The following CARMIL1 variants were observed in gnomAD, a reference collection of about 807,000 sequenced individuals.
The protein encoded by CARMIL1 is F-actin-uncapping protein LRRC16A.
In CARMIL1, 90 loss-of-function variants were observed where a neutral mutation model predicts 177.1. The ratio of observed to expected loss-of-function variants is 0.51; its 90% CI spans 0.43 to 0.61. The LOEUF (loss-of-function observed/expected upper bound fraction) is 0.61, where lower values mean the gene tolerates loss of function less well. Ranked by LOEUF, CARMIL1 falls within the 20% of genes least tolerant of loss-of-function variation. CARMIL1 has a pLI of 0.00. For missense variants in CARMIL1, 1,380 were observed against 1,667.0 expected (o/e 0.83, Z 3.00); for synonymous variants, 577 against 606.2 (o/e 0.95, Z 0.71).
At chr6:25,305,352 C>T (rs2053919298) in intron 2 of CARMIL1, among the ~76,000 whole-genome samples, 1 of 152,176 alleles carries the variant, frequency 6.6e-6, no homozygotes, top group African/African-American at 2.4e-5. Context: ...GAGAAAAGGG[C>T]ATGGCTATTT....
intron 29 of CARMIL1, among the ~76,000 whole-genome samples, chr6:25,559,315 T>C (rs1403894859): frequency 3.3e-5 from 5 of 152,306 alleles, no homozygotes; most frequent in East Asian, 1.9e-4. Flanking sequence ...GTGACCCTCA[T>C]ACGATGCCAT....
chr6:25,567,683 A>G (rs1466672679), intron 29 of CARMIL1, among the ~76,000 whole-genome samples: 1 of 152,232 alleles, frequency 6.6e-6, no homozygotes, highest in Non-Finnish European at 1.5e-5. Flanking sequence ...TGGGAATGAC[A>G]AAAAGAAGTG....
At chr6:25,424,013 G>C (rs1001686138) in intron 3 of CARMIL1, among the ~76,000 whole-genome samples, 2 of 152,050 alleles carry the variant, frequency 1.3e-5, no homozygotes, top group Non-Finnish European at 2.9e-5. Context: ...AATAAAAATA[G>C]CCATAGATGA....
intron 2 of CARMIL1, among the ~76,000 whole-genome samples, chr6:25,383,332 A>G (rs1191939794): frequency 6.6e-6 from 1 of 152,216 alleles, no homozygotes; most frequent in Non-Finnish European, 1.5e-5. Context: ...GCCATTCTAA[A>G]GTTTTTTTGA....
At chr6:25,395,754 G>C (rs949745658) in intron 2 of CARMIL1, among the ~76,000 whole-genome samples, 6 of 152,188 alleles carry the variant, frequency 3.9e-5, no homozygotes, top group Admixed American at 2.6e-4. Context: ...TGTTATAAAT[G>C]ATAATTTTAC....
rs115178932 is a variant in CARMIL1 at position 25,337,610 on chromosome 6, G to A, written c.138+52701G>A. The stretch of plus-strand genomic sequence containing the variant: ...ACTGTATGGTGGTGTTCTCTGAAAG[G>A]TGCTATAGAGAAAACACAAGTGTGA... On this transcript the variant is annotated intron_variant, in intron 2 of 36. Transcript: ENST00000329474. 8.3e-3 allele frequency among the ~76,000 whole-genome samples: 1,271 copies of A among 152,324 alleles called. 38 individuals carry two copies. The highest frequency in any genetic ancestry group is 0.013 in the East Asian group (70 of 5,188).
rs552501280 is a variant in CARMIL1, at chr6:25,406,703, C to T, written c.139-13411C>T. Among the ~76,000 whole-genome samples the T allele has an allele frequency of 2.5e-4, 38 of 152,228 alleles. 3 individuals carry two copies. The South Asian group carries it at 7.3e-3, about 29-fold the overall frequency. ...TGCTTGGATTTCTGGCTTTGGAAAC[C>T]ATATGGATGACCATCCTTGTTCCTG... On this transcript the variant is annotated intron_variant, in intron 2 of 36. Coordinates refer to ENST00000329474, the MANE Select transcript of CARMIL1 (RefSeq NM_017640.6).
At chr6:25,336,876 A>G (rs1031487552) in intron 2 of CARMIL1, among the ~76,000 whole-genome samples, 1 of 152,232 alleles carries the variant, frequency 6.6e-6, no homozygotes, top group African/African-American at 2.4e-5. Context: ...TTTAAGGAGC[A>G]ATGTATGTAT....
intron 2 of CARMIL1, among the ~76,000 whole-genome samples, chr6:25,345,611 ATTCTT>A (rs944353921): frequency 6.6e-5 from 10 of 152,022 alleles, no homozygotes; most frequent in African/African-American, 2.4e-4. Context: ...ATTTGGTGTC[ATTCTT>A]TTCTTTTATT....
At chr6:25,602,697 T>TG (rs1234675216) in intron 33 of CARMIL1, among the ~76,000 whole-genome samples, 4 of 152,100 alleles carry the variant, frequency 2.6e-5, no homozygotes, top group Admixed American at 2.6e-4. Flanking sequence ...CTTTAGAACA[T>TG]TTTTTTTCTA....
chr6:25,397,983 A>G (rs1341561850), intron 2 of CARMIL1, among the ~76,000 whole-genome samples: 1 of 152,128 alleles, frequency 6.6e-6, no homozygotes, highest in East Asian at 1.9e-4. Context: ...TCTTTTCTGG[A>G]TTATCATTTA....
At chr6:25,581,089 A>G in intron 30 of CARMIL1, 99 bp downstream of exon 30, 2 of 1,292,444 alleles carry the variant, frequency 1.5e-6, no homozygotes, top group South Asian at 1.3e-5. Flanking sequence ...GATGCACTAC[A>G]TGGGTAAATA....
rs77382576 is a variant in CARMIL1 at position 25,579,324 on chromosome 6, A to C, written c.2743-1600A>C. ...ACATCTTTCCTCTTTATTTGTGACAATCTAAATGAAATTGGCTAAAAATTA... is the reference window on the plus strand; with the variant it reads ...ACATCTTTCCTCTTTATTTGTGACACTCTAAATGAAATTGGCTAAAAATTA... On this transcript the variant is annotated intron_variant, in intron 29 of 36. Transcript: ENST00000329474. Among the ~76,000 whole-genome samples, 1,397 of 151,532 alleles carry C rather than the reference A, an allele frequency of 9.2e-3. 15 individuals carry two copies. Among genetic ancestry groups the C allele is most frequent in the African/African-American group, 0.03 (1,263 of 41,428 alleles).
chr6:25,378,626 A>C (rs1379004878), intron 2 of CARMIL1, among the ~76,000 whole-genome samples: 1 of 152,094 alleles, frequency 6.6e-6, no homozygotes, highest in East Asian at 1.9e-4. Context: ...CCCACGGCTC[A>C]CTGAATCAGC....
intron 35 of CARMIL1, 102 bp downstream of exon 35, chr6:25,606,375 G>C: frequency 9.6e-7 from 1 of 1,039,048 alleles, no homozygotes; most frequent in Non-Finnish European, 1.4e-6. Flanking sequence ...TGGTGAGCGA[G>C]GTACAGCGGC....
intron 31 of CARMIL1, among the ~76,000 whole-genome samples, chr6:25,582,948 G>T (rs1813264380): frequency 6.6e-6 from 1 of 152,210 alleles, no homozygotes; most frequent in South Asian, 2.1e-4. Flanking sequence ...AGAACAGACT[G>T]ATAAGGTTGG....
intron 2 of CARMIL1, among the ~76,000 whole-genome samples, chr6:25,401,064 A>G (rs147844326): frequency 2.8e-4 from 42 of 152,268 alleles, no homozygotes; most frequent in African/African-American, 8.9e-4. Flanking sequence ...TGCATATTGT[A>G]TGGTACTTTT....
chr6:25,514,975 C>T (rs1350222255), intron 20 of CARMIL1, among the ~76,000 whole-genome samples: 2 of 151,760 alleles, frequency 1.3e-5, no homozygotes, highest in African/African-American at 2.4e-5. Flanking sequence ...TCAAAAAGAT[C>T]TGAGATAAGC....
intron 2 of CARMIL1, among the ~76,000 whole-genome samples, chr6:25,402,008 T>G (rs1488686958): frequency 1.3e-5 from 2 of 152,044 alleles, no homozygotes; most frequent in Admixed American, 6.6e-5. Context: ...TTTTTTTCAT[T>G]TTCAATTAAT....
Sources: allele counts gnomAD v4.1 joint callset (sites outside exome capture counted in the v4.1 genomes callset), GRCh38; gene constraint gnomAD v4.1.1; transcripts MANE v1.5; gene names NCBI Gene and HGNC (gene_info 2026-07-23, HGNC 2026-07-21).